The following NTM variants were observed in gnomAD, a reference collection of about 807,000 sequenced individuals.
NTM encodes the protein neurotrimin.
A neutral mutation model predicts 42.1 loss-of-function variants in NTM; 13 were observed. That is an observed-to-expected ratio of 0.31 (90% CI 0.20 to 0.49). The LOEUF is 0.49. Ranked by LOEUF, NTM falls within the 20% of genes least tolerant of loss-of-function variation. NTM has a pLI of 0.99. For missense variants in NTM, 373 were observed against 452.8 expected, an observed-to-expected ratio of 0.82 and a Z score of 1.60; for synonymous variants, 187 against 179.2, an observed-to-expected ratio of 1.04 and a Z score of -0.35.
At chr11:131,846,831 C>T (rs1453753222) in intron 1 of NTM, among the ~76,000 whole-genome samples, 4 of 151,952 alleles carry the variant, frequency 2.6e-5, no homozygotes, top group Admixed American at 2.0e-4. Flanking sequence ...GAGCTGAGCC[C>T]TAGGCTCAAC....
intron 4 of NTM, among the ~76,000 whole-genome samples, chr11:132,241,506 A>C (rs1210465591): frequency 6.6e-6 from 1 of 152,198 alleles, no homozygotes; most frequent in Non-Finnish European, 1.5e-5. Context: ...AAATCAACTA[A>C]TGGGATATTT....
At chr11:131,851,072 C>A (rs558270464) in intron 1 of NTM, among the ~76,000 whole-genome samples, 49 of 152,234 alleles carry the variant, frequency 3.2e-4, no homozygotes, top group Non-Finnish European at 5.4e-4. Context: ...TTGCTTTAGT[C>A]CATGGGGAAC....
chr11:131,756,717 G>A (rs1175355708), intron 1 of NTM, among the ~76,000 whole-genome samples: 1 of 151,954 alleles, frequency 6.6e-6, no homozygotes, highest in Non-Finnish European at 1.5e-5. Context: ...CTATAATCAG[G>A]GATTATCTCA....
At chr11:131,372,838 T>C (rs1442723565) in intron 1 of NTM, among the ~76,000 whole-genome samples, 1 of 152,120 alleles carries the variant, frequency 6.6e-6, no homozygotes, top group East Asian at 1.9e-4. Flanking sequence ...TAATATTTGC[T>C]CATACTTTGA....
chr11:132,188,041 C>T (rs1009999974), intron 3 of NTM, among the ~76,000 whole-genome samples: 1 of 152,116 alleles, frequency 6.6e-6, no homozygotes, highest in African/African-American at 2.4e-5. Flanking sequence ...ATGACTTTAC[C>T]CTCCAGGGAA....
intron 3 of NTM, chr11:132,211,624 C>T (rs74889734): frequency 0.021 from 3,360 of 163,420 alleles, 100 homozygotes; most frequent in African/African-American, 0.069. Context: ...TGGGGAGCCA[C>T]TGGAGCTGTT....
At chr11:132,181,263 T>G (rs529528828) in intron 3 of NTM, among the ~76,000 whole-genome samples, 13 of 152,330 alleles carry the variant, frequency 8.5e-5, no homozygotes, top group Admixed American at 2.0e-4. Flanking sequence ...ACCTGTTGGC[T>G]TTCCTCTGGG....
chr11:131,403,370 A>G (rs959555754), intron 1 of NTM, among the ~76,000 whole-genome samples: 2 of 152,002 alleles, frequency 1.3e-5, no homozygotes, highest in African/African-American at 2.4e-5. Flanking sequence ...TCCTATGATC[A>G]CTCTTGCAGA....
intron 6 of NTM, chr11:132,312,867 C>T (rs764326229): frequency 6.5e-6 from 1 of 153,144 alleles, no homozygotes; most frequent in African/African-American, 2.4e-5. Context: ...GCTGCACAGC[C>T]GGATGCCTCA....
chr11:131,856,403 G>A lies in NTM; in HGVS notation c.83-55161G>A, dbSNP rs528748430. On this transcript the variant is annotated intron_variant, in intron 1 of 8. Coordinates refer to ENST00000683400, the MANE Select transcript of NTM (RefSeq NM_001352005.2). The stretch of plus-strand genomic sequence containing the variant: ...GAATAATACTCATTTCTTAATCCCC[G>A]TAACACCATTTTCAAGAATATCTCA... Among the ~76,000 whole-genome samples the A allele has an allele frequency of 5.9e-5, 9 of 152,092 alleles. No homozygotes were observed. In the South Asian group the frequency reaches 6.2e-4, roughly 11 times the overall value.
intron 1 of NTM, among the ~76,000 whole-genome samples, chr11:131,585,222 AG>A (rs551202738): frequency 5.6e-4 from 86 of 152,276 alleles, no homozygotes; most frequent in Non-Finnish European, 1.2e-3. Context: ...TGGATTCCGG[AG>A]GGGTTTTTCC....
chr11:132,077,597 T>G (rs2058530694), intron 2 of NTM, among the ~76,000 whole-genome samples: 1 of 152,166 alleles, frequency 6.6e-6, no homozygotes, highest in Non-Finnish European at 1.5e-5. Context: ...AGACTAAGTG[T>G]CTTCTCAAAG....
In NTM at chr11:132,170,623, T is replaced by C. The variant is rs115222519; in HGVS notation, c.400+24109T>C. Reference sequence around the variant, plus strand: ...AGTTATAGGTCAAAATGGCTGAATATTGGCAGTTGCATATGTTTCAATCTA... The same window carrying C: ...AGTTATAGGTCAAAATGGCTGAATACTGGCAGTTGCATATGTTTCAATCTA... On this transcript the variant is annotated intron_variant, in intron 3 of 8. Transcript: ENST00000683400. 2.3e-3 allele frequency among the ~76,000 whole-genome samples: 349 copies of C among 152,324 alleles called. 2 individuals are homozygous for C. Among genetic ancestry groups the C allele is most frequent in the African/African-American group, 8.1e-3 (335 of 41,570 alleles).
At chr11:131,766,819 C>T (rs985399476) in intron 1 of NTM, among the ~76,000 whole-genome samples, 6 of 152,270 alleles carry the variant, frequency 3.9e-5, no homozygotes, top group African/African-American at 1.2e-4. Flanking sequence ...CTTACACATC[C>T]CATTTGAGTC....
At chr11:131,712,878 G>A (rs2077319851) in intron 1 of NTM, among the ~76,000 whole-genome samples, 1 of 151,908 alleles carries the variant, frequency 6.6e-6, no homozygotes, top group East Asian at 1.9e-4. Context: ...GCCAAGACAA[G>A]TGAAAACCAA....
At chr11:132,071,032 C>T (rs560861987) in intron 2 of NTM, among the ~76,000 whole-genome samples, 1 of 141,158 alleles carries the variant, frequency 7.1e-6, no homozygotes, top group African/African-American at 2.6e-5. Flanking sequence ...GTTAACACGT[C>T]ACTCAGCCAA....
chr11:132,107,035 G>C (rs550206845), intron 2 of NTM, among the ~76,000 whole-genome samples: 28 of 152,122 alleles, frequency 1.8e-4, no homozygotes, highest in African/African-American at 6.7e-4. Context: ...TCCATAAAAG[G>C]CATGTAAAAC....
chr11:131,622,243 C>T (rs753025846), intron 1 of NTM, among the ~76,000 whole-genome samples: 9 of 152,092 alleles, frequency 5.9e-5, no homozygotes, highest in Non-Finnish European at 1.2e-4. Flanking sequence ...TGTGACCTGA[C>T]GGGTACCCGT....
At chr11:131,491,222 G>C (rs763742332) in intron 1 of NTM, among the ~76,000 whole-genome samples, 1 of 152,142 alleles carries the variant, frequency 6.6e-6, no homozygotes, top group African/African-American at 2.4e-5. Flanking sequence ...AAAAAAATCA[G>C]TCAACTATGC....
Sources: allele counts gnomAD v4.1 joint callset (sites outside exome capture counted in the v4.1 genomes callset), GRCh38; gene constraint gnomAD v4.1.1; transcripts MANE v1.5; gene names NCBI Gene and HGNC (gene_info 2026-07-23, HGNC 2026-07-21).